The following PCDHA6 variants were observed in gnomAD, a reference collection of about 807,000 sequenced individuals.
The protein encoded by PCDHA6 is protocadherin alpha-6.
PCDHA6 carries 55 observed loss-of-function variants against 60.3 expected under a neutral mutation model. The observed-to-expected ratio is 0.91, with a 90% CI of 0.73 to 1.14. The LOEUF is 1.14. PCDHA6 is among the 50% of genes most tolerant of loss of function. The pLI, the probability that PCDHA6 is intolerant of heterozygous loss-of-function variation, is 0.00. For synonymous variants in PCDHA6, 652 were observed against 557.9 expected (o/e 1.17, Z -2.38); for missense variants, 1,327 against 1,256.5 (o/e 1.06, Z -0.85).
intron 1 of PCDHA6, among the ~76,000 whole-genome samples, chr5:140,897,367 T>C (rs1554187348): frequency 8.0e-6 from 1 of 125,642 alleles, no homozygotes; most frequent in East Asian, 2.4e-4. Flanking sequence ...CAGAGTGTGA[T>C]GTTCCCTTCC....
Position 140,829,599 on chromosome 5 carries a change from C to G in PCDHA6, c.1508C>G (p.Ala503Gly). 8 of 1,612,030 alleles carry G rather than the reference C, an allele frequency of 5.0e-6. No homozygotes were observed. Among genetic ancestry groups the G allele is most frequent in the Non-Finnish European group, 6.8e-6 (8 of 1,179,794 alleles). ...GTGGAGCGGCGGGTGGGCGAGCGCG[C>G]GTTGTCGAGCTACATTTCGGTGCAC... is the stretch of plus-strand genomic sequence containing the variant. The part of the protein sequence containing the change: ...SLVERRVGER[A>G]LSSYISVHAE... The change falls in exon 1 of 4, where the codon GCG becomes GGG. Residue 503 changes from alanine (A) to glycine (G), a missense_variant. Transcript: ENST00000529310.
chr5:140,891,133 A>AAAGGT (rs1241650823), intron 1 of PCDHA6, among the ~76,000 whole-genome samples: 2 of 152,106 alleles, frequency 1.3e-5, no homozygotes, highest in Non-Finnish European at 1.5e-5. Context: ...TCATTCCTTT[A>AAAGGT]AAGGTATTCT....
intron 1 of PCDHA6, chr5:140,867,342 T>C (rs1397691528): frequency 6.6e-6 from 1 of 152,154 alleles, no homozygotes; most frequent in Non-Finnish European, 1.5e-5. Flanking sequence ...GATTAGAGGC[T>C]ACTATGATTG....
chr5:140,981,465 T>C (rs1226815704), intron 2 of PCDHA6, among the ~76,000 whole-genome samples: 2 of 152,116 alleles, frequency 1.3e-5, no homozygotes, highest in Non-Finnish European at 1.5e-5. Context: ...TCCCAGCTAC[T>C]TGGGAGGCTG....
At chr5:140,938,210 T>G (rs1355577102) in intron 1 of PCDHA6, among the ~76,000 whole-genome samples, 2 of 152,140 alleles carry the variant, frequency 1.3e-5, no homozygotes, top group East Asian at 3.8e-4. Flanking sequence ...CCTCCCAAAG[T>G]GCTGGGATTA....
Position 140,913,941 on chromosome 5 carries a change from C to T in PCDHA6, c.2395-65008C>T, listed in dbSNP as rs950871389. ...TACTTCATTGTGGTCAGAGAAGAAT[C>T]TTGATATGATATCATTTTTAAAAAA... On this transcript the variant is annotated intron_variant, in intron 1 of 3. Transcript: ENST00000529310. Among the ~76,000 whole-genome samples, 3 of 152,102 alleles carry T rather than the reference C, an allele frequency of 2.0e-5. No homozygotes were observed. In the East Asian group the frequency reaches 5.8e-4, roughly 29 times the overall value.
At chr5:140,875,743 G>A (rs782705899) in intron 1 of PCDHA6, 7 of 1,614,108 alleles carry the variant, frequency 4.3e-6, no homozygotes, top group Non-Finnish European at 5.1e-6. Context: ...TTCTCGGATC[G>A]ACCGCGAGAA....
intron 1 of PCDHA6, chr5:140,854,257 T>C (rs189442319): frequency 3.3e-6 from 2 of 609,080 alleles, no homozygotes; most frequent in Non-Finnish European, 4.1e-6. Flanking sequence ...TGGTATAAAA[T>C]GTACATTAGT....
chr5:140,957,709 A>T (rs1321290139), intron 1 of PCDHA6, among the ~76,000 whole-genome samples: 6 of 152,264 alleles, frequency 3.9e-5, no homozygotes, highest in Admixed American at 3.3e-4. Context: ...TGTAGTTTTT[A>T]TTAAGAAAGA....
chr5:140,871,060 C>T (rs782751973), intron 1 of PCDHA6: 4 of 1,613,210 alleles, frequency 2.5e-6, no homozygotes, highest in Non-Finnish European at 3.4e-6. Context: ...GGTGAAGGAT[C>T]ACGGTGAGCC....
At chr5:140,997,668 T>TTGTGTGTGTGTGTGTGTG (rs35184029) in intron 3 of PCDHA6, among the ~76,000 whole-genome samples, 77 of 148,344 alleles carry the variant, frequency 5.2e-4, no homozygotes, top group African/African-American at 1.8e-3. Context: ...ATTATACAGC[T>TTGTGTGTGTGTGTGTGTG]TGTGTGTGTG....
At chr5:140,997,302 G>A (rs1430183310) in intron 3 of PCDHA6, among the ~76,000 whole-genome samples, 2 of 152,154 alleles carry the variant, frequency 1.3e-5, no homozygotes, top group Non-Finnish European at 2.9e-5. Flanking sequence ...GATACACTGA[G>A]AAATGTGTCT....
chr5:140,850,943 T>G lies in PCDHA6; in HGVS notation c.2394+20458T>G, dbSNP rs2150503194. On this transcript the variant is annotated intron_variant, in intron 1 of 3. Coordinates refer to ENST00000529310, the MANE Select transcript of PCDHA6 (RefSeq NM_018909.4). The stretch of plus-strand genomic sequence containing the variant: ...ATATAATTTTTTTTCTTGAAAGATA[T>G]TATCGATTACTCCCAGGGGCCGTTC... 7.3e-6 allele frequency: 11 copies of G among 1,506,780 alleles called. 2 individuals are homozygous for G. Among genetic ancestry groups the G allele is most frequent in the Non-Finnish European group, 8.9e-6 (10 of 1,121,750 alleles). The allele number at this position is 1,506,780 out of a possible 1,614,324, so 93.3% of individuals were successfully genotyped here.
Position 140,978,953 on chromosome 5 carries a change from G to A in PCDHA6, c.2399G>A (p.Arg800Gln), listed in dbSNP as rs781913955. The A allele has an allele frequency of 1.4e-5, 23 of 1,613,930 alleles. No homozygotes were observed. In the South Asian group the frequency reaches 2.0e-4, roughly 14 times the overall value. Residue 800 changes from arginine to glutamine, a missense_variant, in exon 2 of 4, where the codon CGA becomes CAA. Arg to Gln is a conservative substitution (Grantham distance 43, BLOSUM62 1). Transcript: ENST00000529310. ...DLNEDHDAKP[R>Q]QPNPDWRYSA... ...ACTCTCTTTGTGATTTTGCAGCCAC[G>A]ACAGCCCAACCCTGACTGGCGTTAC...
At chr5:140,877,207 G>T in intron 1 of PCDHA6, 1 of 1,613,796 alleles carries the variant, frequency 6.2e-7, no homozygotes, top group Non-Finnish European at 8.5e-7. Flanking sequence ...CGCAGTTAGC[G>T]AGTTGGTACC....
chr5:140,971,692 C>T (rs2096492766), intron 1 of PCDHA6, among the ~76,000 whole-genome samples: 1 of 152,116 alleles, frequency 6.6e-6, no homozygotes, highest in South Asian at 2.1e-4. Context: ...TTTGTACTCA[C>T]TAACCACCCT....
chr5:140,957,879 G>T (rs2095393633), intron 1 of PCDHA6, among the ~76,000 whole-genome samples: 1 of 151,960 alleles, frequency 6.6e-6, no homozygotes, highest in Non-Finnish European at 1.5e-5. Flanking sequence ...GTGCTGAAAA[G>T]CTGAAGTTGG....
At chr5:140,870,339 G>C in intron 1 of PCDHA6, 1 of 1,614,182 alleles carries the variant, frequency 6.2e-7, no homozygotes, top group Non-Finnish European at 8.5e-7. Flanking sequence ...ACAGCGCCCT[G>C]GACCGCGAGA....
chr5:141,011,325 A>G lies in PCDHA6; in HGVS notation c.*1388A>G, dbSNP rs533115888. 1 of 153,778 alleles carries G rather than the reference A, an allele frequency of 6.5e-6. No individual in the cohort carries two copies. Among genetic ancestry groups the G allele is most frequent in the African/African-American group, 2.4e-5 (1 of 41,456 alleles). 9.5% of individuals were successfully genotyped at this position (153,778 alleles called of 1,614,324 possible). On this transcript the variant is annotated 3_prime_UTR_variant, in exon 4 of 4. Transcript: ENST00000529310. ...TGAATTGCTAATCTTACTAACACCTATGATGTTACCTGAAATCAATCTCCC... is the reference window on the plus strand; with the variant it reads ...TGAATTGCTAATCTTACTAACACCTGTGATGTTACCTGAAATCAATCTCCC...
Sources: gnomAD v4.1 joint callset for allele counts (sites outside exome capture counted in the v4.1 genomes callset) on GRCh38, gnomAD v4.1.1 for gene constraint, MANE v1.5 for transcripts, NCBI Gene and HGNC (gene_info 2026-07-23, HGNC 2026-07-21) for gene names.